CSMD1: variants seen among roughly 807,000 people sequenced by gnomAD.
CSMD1 encodes the protein CUB and sushi domain-containing protein 1.
A neutral mutation model predicts 417.5 loss-of-function variants in CSMD1; 213 were observed. The observed-to-expected ratio is 0.51, with a 90% confidence interval of 0.46 to 0.57. The LOEUF (loss-of-function observed/expected upper bound fraction) is 0.57. CSMD1 is among the 20% of genes least tolerant of loss of function. CSMD1 has a pLI of 0.00. For synonymous variants in CSMD1, 2,862 were observed against 1,736.8 expected (o/e 1.65, Z -16.11); for missense variants, 6,923 against 4,529.7 (o/e 1.53, Z -15.17).
At chr8:3,303,983 C>T (rs1804614819) in intron 25 of CSMD1, among the ~76,000 whole-genome samples, 1 of 151,682 alleles carries the variant, frequency 6.6e-6, no homozygotes, top group Non-Finnish European at 1.5e-5. Flanking sequence ...TCGATTACCT[C>T]AAACAAAGAG....
intron 12 of CSMD1, among the ~76,000 whole-genome samples, chr8:3,464,961 T>A (rs1275022347): frequency 6.6e-6 from 1 of 152,188 alleles, no homozygotes; most frequent in Non-Finnish European, 1.5e-5. Flanking sequence ...AATTATCAAT[T>A]CACACTCTCT....
chr8:4,116,915 A>G (rs1410232006), intron 3 of CSMD1, among the ~76,000 whole-genome samples: 1 of 152,080 alleles, frequency 6.6e-6, no homozygotes, highest in Non-Finnish European at 1.5e-5. Context: ...GAGGTACTCG[A>G]AATGTGTACC....
intron 6 of CSMD1, among the ~76,000 whole-genome samples, chr8:3,711,579 T>C (rs1008954044): frequency 1.3e-5 from 2 of 152,182 alleles, no homozygotes; most frequent in Non-Finnish European, 2.9e-5. Flanking sequence ...CCTCTTCATG[T>C]GTGTGTTTTC....
intron 10 of CSMD1, among the ~76,000 whole-genome samples, chr8:3,503,846 C>A (rs1333883243): frequency 3.3e-5 from 5 of 151,634 alleles, no homozygotes; most frequent in South Asian, 4.2e-4. Flanking sequence ...CCCCCCCAAC[C>A]CCCACACTCT....
At chr8:4,311,584 G>C (rs544619916) in intron 3 of CSMD1, among the ~76,000 whole-genome samples, 1 of 151,976 alleles carries the variant, frequency 6.6e-6, no homozygotes, top group African/African-American at 2.4e-5. Context: ...TGAGCCAGGT[G>C]TGGTTGTGGG....
intron 46 of CSMD1, among the ~76,000 whole-genome samples, chr8:3,099,423 C>G (rs543955636): frequency 1.3e-4 from 20 of 152,224 alleles, no homozygotes; most frequent in African/African-American, 4.6e-4. Context: ...ATGGCAGGTT[C>G]AATAAACTTA....
intron 7 of CSMD1, among the ~76,000 whole-genome samples, chr8:3,672,415 G>C (rs73183313): frequency 1.3e-5 from 2 of 152,072 alleles, no homozygotes; most frequent in African/African-American, 2.4e-5. Context: ...AACATAAACA[G>C]TCCAGGGTGT....
intron 5 of CSMD1, among the ~76,000 whole-genome samples, chr8:3,772,790 T>C (rs886087950): frequency 2.6e-5 from 4 of 151,824 alleles, no homozygotes; most frequent in Non-Finnish European, 5.9e-5. Context: ...TAAAGCACCA[T>C]GACAGCCAAC....
chr8:3,424,229 A>C (rs961127273), intron 12 of CSMD1, among the ~76,000 whole-genome samples: 2 of 152,182 alleles, frequency 1.3e-5, no homozygotes, highest in Non-Finnish European at 2.9e-5. Context: ...TAAGAGCATA[A>C]TGAAATACAC....
intron 3 of CSMD1, among the ~76,000 whole-genome samples, chr8:4,205,697 C>T (rs570477984): frequency 6.6e-6 from 1 of 152,062 alleles, no homozygotes; most frequent in African/African-American, 2.4e-5. Flanking sequence ...AAAGTTTCTT[C>T]CTACCAAATA....
chr8:3,065,312 T>TAGAC (rs943935705), intron 49 of CSMD1, among the ~76,000 whole-genome samples: 10 of 149,578 alleles, frequency 6.7e-5, no homozygotes, highest in South Asian at 2.1e-4. Context: ...GGTAGATAGA[T>TAGAC]AGATAGACAG....
intron 10 of CSMD1, among the ~76,000 whole-genome samples, chr8:3,542,069 ATTAT>A (rs149789146): frequency 2.8e-3 from 425 of 152,260 alleles, no homozygotes; most frequent in African/African-American, 9.8e-3. Context: ...GTGCACCCGT[ATTAT>A]TTATTTTACT....
intron 5 of CSMD1, among the ~76,000 whole-genome samples, chr8:3,833,773 C>A (rs938278083): frequency 5.9e-5 from 9 of 152,098 alleles, no homozygotes; most frequent in Non-Finnish European, 1.3e-4. Context: ...TGGTTCTCTT[C>A]TCTTGGTAAA....
At chr8:3,116,079 G>A (rs1278498421) in intron 42 of CSMD1, among the ~76,000 whole-genome samples, 2 of 152,110 alleles carry the variant, frequency 1.3e-5, no homozygotes, top group African/African-American at 2.4e-5. Context: ...AACAGCCTCC[G>A]CATTCTTATG....
At chr8:4,125,718 G>A (rs890366387) in intron 3 of CSMD1, among the ~76,000 whole-genome samples, 1 of 152,050 alleles carries the variant, frequency 6.6e-6, no homozygotes, top group Non-Finnish European at 1.5e-5. Flanking sequence ...ATTTGCGAAG[G>A]AATTCAGTTC....
intron 49 of CSMD1, among the ~76,000 whole-genome samples, chr8:3,056,830 A>T (rs1433346904): frequency 6.6e-6 from 1 of 151,920 alleles, no homozygotes; most frequent in African/African-American, 2.4e-5. Context: ...TTTTTTATTA[A>T]AATTATATAT....
chr8:3,899,241 C>A (rs1262758634), intron 5 of CSMD1, among the ~76,000 whole-genome samples: 3 of 152,132 alleles, frequency 2.0e-5, no homozygotes, highest in Admixed American at 2.0e-4. Flanking sequence ...AAGTTGGCAC[C>A]AGTGTGGGCA....
At chr8:4,391,858 C>G (rs770860451) in intron 3 of CSMD1, among the ~76,000 whole-genome samples, 1 of 152,212 alleles carries the variant, frequency 6.6e-6, no homozygotes, top group Non-Finnish European at 1.5e-5. Flanking sequence ...AGCCTCTGTT[C>G]TCATCTGGGT....
rs918949403 is a variant in CSMD1, at chr8:3,951,328, C to T, written c.818+46575G>A. Among the ~76,000 whole-genome samples the T allele has an allele frequency of 2.0e-5, 3 of 152,166 alleles. 1 individual carries two copies. In the South Asian group the frequency reaches 6.2e-4, roughly 32 times the overall value. ...GGCACCTTCTCCTCGTTTTAAGCAC[C>T]AGCCCAGTGTCCTGAACGGAGCAGG... On this transcript the variant is annotated intron_variant, in intron 5 of 69. Coordinates refer to ENST00000635120, the MANE Select transcript of CSMD1 (RefSeq NM_033225.6).
Sources: gnomAD v4.1 joint callset for allele counts (sites outside exome capture counted in the v4.1 genomes callset) on GRCh38, gnomAD v4.1.1 for gene constraint, MANE v1.5 for transcripts, NCBI Gene and HGNC (gene_info 2026-07-23, HGNC 2026-07-21) for gene names.